Variants in NOVA2 observed in about 807,000 individuals in gnomAD.
NOVA2 encodes the protein NOVA alternative splicing regulator 2.
A neutral mutation model predicts 22.5 loss-of-function variants in NOVA2; 9 were observed. The observed-to-expected ratio is 0.40, with a 90% CI of 0.24 to 0.70. NOVA2 has a LOEUF of 0.70. Ranked by LOEUF, NOVA2 falls within the 30% of genes least tolerant of loss-of-function variation. The pLI, the probability that NOVA2 is intolerant of heterozygous loss-of-function variation, is 0.38. For missense variants in NOVA2, 383 were observed against 682.8 expected (o/e 0.56, Z 4.89); for synonymous variants, 318 against 335.2 (o/e 0.95, Z 0.56).
At chr19:45,953,501 C>A (rs1967958058) in intron 3 of NOVA2, among the ~76,000 whole-genome samples, 1 of 152,164 alleles carries the variant, frequency 6.6e-6, no homozygotes, top group Non-Finnish European at 1.5e-5. Flanking sequence ...ACTAGAGAAT[C>A]CTAGGAAGAA....
chr19:45,946,869 G>A (rs1183932335), intron 3 of NOVA2, among the ~76,000 whole-genome samples: 10 of 104,644 alleles, frequency 9.6e-5, no homozygotes, highest in African/African-American at 2.8e-4. Flanking sequence ...GCAAGACTCC[G>A]TCTAAAAAAA....
At chr19:45,954,713 G>C (rs1219648327) in intron 2 of NOVA2, among the ~76,000 whole-genome samples, 1 of 151,852 alleles carries the variant, frequency 6.6e-6, no homozygotes, top group Non-Finnish European at 1.5e-5. Flanking sequence ...GCTCTGTCCT[G>C]GGCATCCTTC....
chr19:45,937,492 T>C lies in NOVA2; in HGVS notation c.*2371A>G, dbSNP rs1967672487. On this transcript the variant is annotated 3_prime_UTR_variant, in exon 4 of 4. Coordinates refer to ENST00000263257, the MANE Select transcript of NOVA2 (RefSeq NM_002516.4). ...TGCGGGTAGAGATACTGTGAAATACTGTAAGGTCTTTTGAGAGGTGGAGGG... is the reference window on the plus strand; with the variant it reads ...TGCGGGTAGAGATACTGTGAAATACCGTAAGGTCTTTTGAGAGGTGGAGGG... 6.6e-6 allele frequency: 1 copy of C among 152,250 alleles called. No individual in the cohort carries two copies. The highest frequency in any genetic ancestry group is 6.5e-5 in the Admixed American group (1 of 15,280). 9.4% of individuals were successfully genotyped at this position (152,250 alleles called of 1,614,324 possible).
At chr19:45,948,177 C>T (rs1487815900) in intron 3 of NOVA2, among the ~76,000 whole-genome samples, 2 of 152,158 alleles carry the variant, frequency 1.3e-5, no homozygotes, top group African/African-American at 4.8e-5. Context: ...TATGTTTCTG[C>T]TTGGCCCTGT....
At chr19:45,958,449 AAT>A (rs1307996539) in intron 2 of NOVA2, among the ~76,000 whole-genome samples, 4 of 148,248 alleles carry the variant, frequency 2.7e-5, no homozygotes, top group Non-Finnish European at 6.0e-5. Flanking sequence ...CACGTGTGAC[AAT>A]GTGTGTGTAA....
chr19:45,959,429 C>T (rs1968061422), intron 2 of NOVA2, among the ~76,000 whole-genome samples: 1 of 152,164 alleles, frequency 6.6e-6, no homozygotes, highest in African/African-American at 2.4e-5. Context: ...TCCCAGCTGC[C>T]TGGCCTGTGG....
At position 45,973,365 on chromosome 19, in the gene NOVA2, GGCGGCGGCTGCTGCTGCT is replaced by G; in HGVS notation, c.-32_-15del. ...CTCGGGCTCCATGGGGGGGGCCTGG[GGCGGCGGCTGCTGCTGCT>G]GCGGCGGCTGCGGCGGCGGCGGCGG... On this transcript the variant is annotated 5_prime_UTR_variant, in exon 1 of 4. Transcript: ENST00000263257. 1.0e-6 allele frequency: 1 copy of G among 976,882 alleles called. No homozygotes were observed. Among genetic ancestry groups the G allele is most frequent in the Non-Finnish European group, 1.3e-6 (1 of 761,042 alleles). 60.5% of individuals were successfully genotyped at this position (976,882 alleles called of 1,614,324 possible). A position where few individuals can be genotyped will look rare whatever the true frequency, so the allele number is the denominator to read the frequency against.
chr19:45,964,845 G>C (rs1191288025), intron 1 of NOVA2, among the ~76,000 whole-genome samples: 1 of 152,132 alleles, frequency 6.6e-6, no homozygotes, highest in East Asian at 1.9e-4. Context: ...ACAGGCGTGA[G>C]TCACCATGCC....
In NOVA2 at chr19:45,964,171, T is replaced by C. The variant is rs551156056; in HGVS notation, c.86-3018A>G. Among the ~76,000 whole-genome samples, 17 of 131,820 alleles carry C rather than the reference T, an allele frequency of 1.3e-4. No individual in the cohort carries two copies. In the East Asian group the frequency reaches 3.1e-3, roughly 24 times the overall value. 86.5% of individuals were successfully genotyped at this position (131,820 alleles called of 152,430 possible). On this transcript the variant is annotated intron_variant, in intron 1 of 3. Transcript: ENST00000263257. ...GGAAGCCTATTTTCTTTTTTTCTTT[T>C]TCTTTTTCTTTTTTTTTTTTTTTTT...
chr19:45,973,747 C>A lies in NOVA2; in HGVS notation c.-396G>T, dbSNP rs939467085. ...GGCCGAGGGGGGTCTCCGATAGGGC[C>A]GGGAAAGAACTGAGAGGTGGGGTCT... On this transcript the variant is annotated 5_prime_UTR_variant, in exon 1 of 4. Coordinates refer to ENST00000263257, the MANE Select transcript of NOVA2 (RefSeq NM_002516.4). Among the ~76,000 whole-genome samples, 1 of 149,340 alleles carries A rather than the reference C, an allele frequency of 6.7e-6. No individual in the cohort carries two copies. The highest frequency in any genetic ancestry group is 6.6e-5 in the Admixed American group (1 of 15,040).
At chr19:45,964,587 C>CTCTCTCTCTCTCTCTCTCTT (rs1330929033) in intron 1 of NOVA2, among the ~76,000 whole-genome samples, 3 of 151,676 alleles carry the variant, frequency 2.0e-5, no homozygotes, top group Non-Finnish European at 2.9e-5. Context: ...CTCTCTCTTT[C>CTCTCTCTCTCTCTCTCTCTT]TCTTTCTCTG....
At chr19:45,951,167 AC>A (rs563408905) in intron 3 of NOVA2, among the ~76,000 whole-genome samples, 11 of 152,196 alleles carry the variant, frequency 7.2e-5, no homozygotes, top group African/African-American at 2.6e-4. Flanking sequence ...TGTTTTTTTG[AC>A]CTTCATAGTG....
intron 2 of NOVA2, among the ~76,000 whole-genome samples, chr19:45,958,541 CTGTG>C (rs574626797): frequency 2.7e-4 from 40 of 146,756 alleles, no homozygotes; most frequent in Admixed American, 1.2e-3. Flanking sequence ...GTGTGTGTGA[CTGTG>C]TGTAAGCGTG....
At chr19:45,957,488 G>A (rs796361881) in intron 2 of NOVA2, among the ~76,000 whole-genome samples, 1 of 148,646 alleles carries the variant, frequency 6.7e-6, no homozygotes. Flanking sequence ...GCAGTGAGCC[G>A]AGATCTCACC....
At position 45,940,567 on chromosome 19, in the gene NOVA2, C is replaced by G. The variant is rs1178698888; in HGVS notation, c.775G>C (p.Ala259Pro). The G allele has an allele frequency of 2.7e-6, 4 of 1,458,098 alleles. No individual in the cohort carries two copies. The African/African-American group carries it at 5.9e-5, about 22-fold the overall frequency. 90.3% of individuals were successfully genotyped at this position (1,458,098 alleles called of 1,614,324 possible). ...ASGLLGPAGL[A>P]GVGAFPAALP... Reference sequence around the variant, plus strand: ...GCGGCGGGAAAGGCCCCCACGCCAGCCAGCCCGGCGGGGCCCAGCAGGCCG... The same window carrying G: ...GCGGCGGGAAAGGCCCCCACGCCAGGCAGCCCGGCGGGGCCCAGCAGGCCG... Residue 259 changes from alanine (A) to proline (P), a missense_variant, in exon 4 of 4, where the codon GCT (alanine) becomes CCT (proline). By Grantham distance (27) the Ala-to-Pro change is conservative (BLOSUM62 -1). Transcript: ENST00000263257.
chr19:45,940,637 C>G lies in NOVA2; in HGVS notation c.705G>C (p.Ala235=). ...CTGCGGCCGCGGCTGGCAGCACATCCGCGGGGCTGGCGTACGGAGAGCCGG... is the reference window on the plus strand; with the variant it reads ...CTGCGGCCGCGGCTGGCAGCACATCGGCGGGGCTGGCGTACGGAGAGCCGG... ...NPTGSPYASP[A]DVLPAAAAAS... is the part of the protein sequence containing the mutation. The change falls in exon 4 of 4, where the codon GCG becomes GCC. Residue 235 remains alanine (A), a synonymous_variant. Transcript: ENST00000263257. The G allele has an allele frequency of 1.3e-6, 2 of 1,508,464 alleles. No homozygotes were observed. Among genetic ancestry groups the G allele is most frequent in the Non-Finnish European group, 1.8e-6 (2 of 1,138,264 alleles). 93.4% of individuals were successfully genotyped at this position (1,508,464 alleles called of 1,614,324 possible).
intron 2 of NOVA2, among the ~76,000 whole-genome samples, chr19:45,960,200 G>GAGAGACAAACAAGC (rs61286034): frequency 6.6e-6 from 1 of 151,564 alleles, no homozygotes; most frequent in Admixed American, 6.6e-5. Flanking sequence ...CACAGGAAGG[G>GAGAGACAAACAAGC]AGAGGCAGAA....
chr19:45,942,058 G>A (rs1967767906), intron 3 of NOVA2, among the ~76,000 whole-genome samples: 2 of 152,142 alleles, frequency 1.3e-5, no homozygotes, highest in Admixed American at 1.3e-4. Context: ...TTGTCCTAAG[G>A]TTCCCCAGTT....
intron 1 of NOVA2, among the ~76,000 whole-genome samples, chr19:45,967,053 C>T (rs566217144): frequency 6.6e-6 from 1 of 152,210 alleles, no homozygotes; most frequent in African/African-American, 2.4e-5. Context: ...TTGATGGTCC[C>T]TGTATCAGAC....
Sources: gnomAD v4.1 joint callset for allele counts (sites outside exome capture counted in the v4.1 genomes callset) on GRCh38, gnomAD v4.1.1 for gene constraint, MANE v1.5 for transcripts, NCBI Gene and HGNC (gene_info 2026-07-23, HGNC 2026-07-21) for gene names.